The following FAM193A variants were observed in gnomAD, a reference collection of about 807,000 sequenced individuals.
The protein encoded by FAM193A is family with sequence similarity 193 member A.
FAM193A carries 22 observed loss-of-function variants against 126.5 expected under a neutral mutation model. The observed-to-expected ratio is 0.17, with a 90% CI of 0.12 to 0.25. The LOEUF (loss-of-function observed/expected upper bound fraction) is 0.25. FAM193A is among the 10% of genes least tolerant of loss of function. The pLI is 1.00. For synonymous variants in FAM193A, 761 were observed against 646.8 expected (o/e 1.18, Z -2.68); for missense variants, 1,675 against 1,672.8 (o/e 1.00, Z -0.02).
chr4:2,556,008 T>C (rs1214944594), intron 1 of FAM193A, among the ~76,000 whole-genome samples: 2 of 151,480 alleles, frequency 1.3e-5, no homozygotes, highest in East Asian at 1.9e-4. Flanking sequence ...GCGATTCCCC[T>C]GTCTCAGCCT....
In FAM193A at chr4:2,710,760, C is replaced by T. The variant is rs1347108832; in HGVS notation, c.4373-5263C>T. 2.6e-5 allele frequency among the ~76,000 whole-genome samples: 4 copies of T among 152,144 alleles called. No homozygotes were observed. The East Asian group carries it at 7.7e-4, about 29-fold the overall frequency. On this transcript the variant is annotated intron_variant, in intron 19 of 20. Coordinates refer to ENST00000637812, the MANE Select transcript of FAM193A (RefSeq NM_001366318.2). ...TCTCAAGCCATCTGCCCACCTAGGC[C>T]TCCCAAAGTGCTAGGATTACAGGCA...
intron 2 of FAM193A, among the ~76,000 whole-genome samples, chr4:2,620,860 T>TAAAAAAAAAAAAAAAAAAAAAAAAAAA (rs1742505884): frequency 8.8e-6 from 1 of 113,886 alleles, no homozygotes; most frequent in Non-Finnish European, 1.8e-5. Context: ...AAAAAAAAAG[T>TAAAAAAAAAAAAAAAAAAAAAAAAAAA]AATTAACAAG....
chr4:2,694,523 T>C (rs973463749), intron 16 of FAM193A, among the ~76,000 whole-genome samples: 1 of 152,092 alleles, frequency 6.6e-6, no homozygotes, highest in Non-Finnish European at 1.5e-5. Context: ...TTCCTTGGCC[T>C]CCCAGAGTGC....
chr4:2,729,149 C>T (rs896052335), intron 20 of FAM193A, among the ~76,000 whole-genome samples: 1 of 152,076 alleles, frequency 6.6e-6, no homozygotes, highest in African/African-American at 2.4e-5. Context: ...AGCTGGTGAT[C>T]AGCAGCTTCC....
intron 7 of FAM193A, among the ~76,000 whole-genome samples, chr4:2,648,486 C>G (rs994005508): frequency 2.6e-5 from 4 of 152,228 alleles, no homozygotes; most frequent in African/African-American, 9.6e-5. Flanking sequence ...ATGTTTTTGT[C>G]TGTTTTTGCA....
chr4:2,679,622 C>G (rs1172009619), intron 13 of FAM193A, among the ~76,000 whole-genome samples: 7 of 151,870 alleles, frequency 4.6e-5, no homozygotes, highest in African/African-American at 1.7e-4. Context: ...AGGTGATCCA[C>G]CCGCCTCGGT....
At chr4:2,573,513 C>CAAA (rs1353276813) in intron 1 of FAM193A, among the ~76,000 whole-genome samples, 3 of 73,908 alleles carry the variant, frequency 4.1e-5, no homozygotes, top group East Asian at 7.4e-4. Flanking sequence ...ACTCTGTCTT[C>CAAA]AAAAAAAAAA....
chr4:2,599,476 A>G (rs1741067504), intron 2 of FAM193A, among the ~76,000 whole-genome samples: 1 of 152,182 alleles, frequency 6.6e-6, no homozygotes, highest in Non-Finnish European at 1.5e-5. Context: ...CCAGAGGGGA[A>G]GTGGGGCTGA....
intron 1 of FAM193A, among the ~76,000 whole-genome samples, chr4:2,543,149 G>T (rs983555078): frequency 6.6e-6 from 1 of 151,100 alleles, no homozygotes; most frequent in African/African-American, 2.4e-5. Flanking sequence ...GTGCCCTGGC[G>T]CAATCTTGGC....
chr4:2,538,156 C>T (rs774873631), intron 1 of FAM193A, among the ~76,000 whole-genome samples: 3 of 150,812 alleles, frequency 2.0e-5, no homozygotes, highest in Non-Finnish European at 4.4e-5. Flanking sequence ...ATGAAAGAAG[C>T]GTTGGGAGTA....
chr4:2,717,457 G>T (rs747449945), intron 20 of FAM193A, among the ~76,000 whole-genome samples: 3 of 151,928 alleles, frequency 2.0e-5, no homozygotes, highest in Non-Finnish European at 2.9e-5. Flanking sequence ...TTACCTGGAC[G>T]TGGTGACAAG....
intron 1 of FAM193A, among the ~76,000 whole-genome samples, chr4:2,564,943 C>T (rs1022293712): frequency 6.6e-6 from 1 of 152,002 alleles, no homozygotes; most frequent in Non-Finnish European, 1.5e-5. Context: ...AGACTACAGT[C>T]ACATGCCACC....
intron 1 of FAM193A, among the ~76,000 whole-genome samples, chr4:2,583,757 G>A (rs1740082116): frequency 6.6e-6 from 1 of 152,160 alleles, no homozygotes; most frequent in Non-Finnish European, 1.5e-5. Context: ...CCAGGTGAGT[G>A]TATTTGTTTT....
intron 1 of FAM193A, among the ~76,000 whole-genome samples, chr4:2,563,903 T>G (rs978116839): frequency 6.6e-6 from 1 of 152,198 alleles, no homozygotes; most frequent in Non-Finnish European, 1.5e-5. Flanking sequence ...CAGCTGTATT[T>G]AAAGTCATGC....
chr4:2,569,683 A>T (rs1190234744), intron 1 of FAM193A, among the ~76,000 whole-genome samples: 2 of 151,736 alleles, frequency 1.3e-5, no homozygotes, highest in Non-Finnish European at 2.9e-5. Flanking sequence ...ACTTTAAAAA[A>T]TTTTTAAAAG....
chr4:2,712,145 T>C (rs1011420014), intron 19 of FAM193A, among the ~76,000 whole-genome samples: 3 of 152,284 alleles, frequency 2.0e-5, no homozygotes, highest in Middle Eastern at 3.4e-3. Flanking sequence ...CCATGTGTAC[T>C]TGATAGAAGT....
intron 5 of FAM193A, among the ~76,000 whole-genome samples, chr4:2,638,048 C>T (rs1194147066): frequency 1.3e-5 from 2 of 152,238 alleles, no homozygotes; most frequent in Non-Finnish European, 2.9e-5. Flanking sequence ...CTTGTGATTC[C>T]ACTCATAGAC....
In FAM193A at chr4:2,701,747, G is replaced by A. The variant is rs112690801; in HGVS notation, c.4372+1203G>A. Among the ~76,000 whole-genome samples, 316 of 152,060 alleles carry A rather than the reference G, an allele frequency of 2.1e-3. 1 individual carries two copies. The highest frequency in any genetic ancestry group is 3.9e-3 in the Non-Finnish European group (265 of 67,994). Reference sequence around the variant, plus strand: ...TAGCATCCATTAATGATTCTTGCCGGAAATGTTTATTACTGTGTTGTCATA... The same window carrying A: ...TAGCATCCATTAATGATTCTTGCCGAAAATGTTTATTACTGTGTTGTCATA... On this transcript the variant is annotated intron_variant, in intron 19 of 20. Coordinates refer to ENST00000637812, the MANE Select transcript of FAM193A (RefSeq NM_001366318.2).
At chr4:2,535,596 C>A (rs531066697), upstream of FAM193A, among the ~76,000 whole-genome samples, 2 of 152,362 alleles carry the variant, frequency 1.3e-5, no homozygotes, top group East Asian at 3.9e-4. Flanking sequence ...GGTCTCAGGG[C>A]AGAGCTCTGC....
Sources: gnomAD v4.1 joint callset for allele counts (sites outside exome capture counted in the v4.1 genomes callset) on GRCh38, gnomAD v4.1.1 for gene constraint, MANE v1.5 for transcripts, NCBI Gene and HGNC (gene_info 2026-07-23, HGNC 2026-07-21) for gene names.